The following DARS1 variants were observed in gnomAD, a reference collection of about 807,000 sequenced individuals.
The protein encoded by DARS1 is aspartate--tRNA ligase, cytoplasmic.
Under a neutral mutation model 68.8 loss-of-function variants are expected in DARS1, and 51 were observed. The observed-to-expected ratio is 0.74, with a 90% CI of 0.59 to 0.94. The LOEUF is 0.94. Among genes scored for constraint, DARS1 ranks in the 40% least tolerant of loss-of-function variants. The pLI is 0.00. For synonymous variants in DARS1, 203 were observed against 190.4 expected, an observed-to-expected ratio of 1.07 and a Z score of -0.55; for missense variants, 607 against 597.3, an observed-to-expected ratio of 1.02 and a Z score of -0.17.
At position 135,907,134 on chromosome 2, in the gene DARS1, A is replaced by G. The variant is rs1680798484; in HGVS notation, c.*182T>C. The G allele has an allele frequency of 2.3e-6, 1 of 441,336 alleles. No individual in the cohort carries two copies. Among genetic ancestry groups the G allele is most frequent in the Admixed American group, 4.0e-5 (1 of 24,776 alleles). The allele number at this position is 441,336 out of a possible 1,614,324, so 27.3% of individuals were successfully genotyped here. ...GAACCTATACTGAATTACTCCAAAA[A>G]TAACAGTGATATTTTAGGGCCTTGC... On this transcript the variant is annotated 3_prime_UTR_variant, in exon 16 of 16. Coordinates refer to ENST00000264161, the MANE Select transcript of DARS1 (RefSeq NM_001349.4).
At chr2:135,933,207 T>C (rs1294441946) in intron 6 of DARS1, among the ~76,000 whole-genome samples, 2 of 152,232 alleles carry the variant, frequency 1.3e-5, no homozygotes, top group East Asian at 1.9e-4. Flanking sequence ...CATAGAGTAG[T>C]GGTTCTGAAA....
At chr2:135,948,877 CAAAA>C (rs35323281) in intron 4 of DARS1, among the ~76,000 whole-genome samples, 1 of 132,186 alleles carries the variant, frequency 7.6e-6, no homozygotes, top group Admixed American at 7.3e-5. Flanking sequence ...CTCCCGTCTC[CAAAA>C]AAAAAAAAAA....
At chr2:135,909,316 G>A (rs1165284041) in intron 15 of DARS1, among the ~76,000 whole-genome samples, 6 of 151,980 alleles carry the variant, frequency 3.9e-5, no homozygotes, top group Non-Finnish European at 7.4e-5. Flanking sequence ...CATATGTAAC[G>A]ACCTTAACTG....
At chr2:135,961,072 G>A (rs912144309) in intron 4 of DARS1, among the ~76,000 whole-genome samples, 1 of 152,074 alleles carries the variant, frequency 6.6e-6, no homozygotes, top group Non-Finnish European at 1.5e-5. Context: ...AAGGAGGGAG[G>A]AAATGAAGCT....
chr2:135,984,639 G>C (rs952795146), intron 1 of DARS1, among the ~76,000 whole-genome samples: 1 of 152,186 alleles, frequency 6.6e-6, no homozygotes, highest in African/African-American at 2.4e-5. Context: ...TCCTCATTTA[G>C]TATTCTAAGA....
chr2:135,931,764 T>C (rs1681353345), intron 7 of DARS1, among the ~76,000 whole-genome samples: 2 of 152,156 alleles, frequency 1.3e-5, no homozygotes, highest in African/African-American at 4.8e-5. Context: ...CTAGCTCATG[T>C]TCCAGATTCT....
intron 9 of DARS1, among the ~76,000 whole-genome samples, chr2:135,921,750 C>T (rs555110619): frequency 7.2e-5 from 11 of 152,214 alleles, no homozygotes; most frequent in African/African-American, 2.6e-4. Flanking sequence ...AGACCTCTCC[C>T]CAGATTTACT....
chr2:135,966,097 C>T (rs908916125), intron 3 of DARS1, among the ~76,000 whole-genome samples: 3 of 151,850 alleles, frequency 2.0e-5, no homozygotes, highest in African/African-American at 7.3e-5. Flanking sequence ...GTACATGATC[C>T]TTTTTGTGCA....
chr2:135,912,849 G>A (rs79826902), intron 12 of DARS1, among the ~76,000 whole-genome samples: 24,375 of 150,924 alleles, frequency 0.16, 2,269 homozygotes, highest in Middle Eastern at 0.4. Context: ...GCTTAGGCTC[G>A]AGTGCATGAT....
At chr2:135,945,179 G>C (rs990692579) in intron 4 of DARS1, among the ~76,000 whole-genome samples, 24 of 151,900 alleles carry the variant, frequency 1.6e-4, no homozygotes, top group African/African-American at 5.6e-4. Context: ...CTAGGCTGGA[G>C]TGCAGTGGCT....
intron 3 of DARS1, among the ~76,000 whole-genome samples, chr2:135,965,113 T>C (rs1682194475): frequency 6.6e-6 from 1 of 152,060 alleles, no homozygotes; most frequent in Admixed American, 6.6e-5. Flanking sequence ...AAGGAGATCC[T>C]AATTCTAAAC....
intron 7 of DARS1, among the ~76,000 whole-genome samples, chr2:135,927,346 A>G (rs1297434738): frequency 6.6e-6 from 1 of 152,164 alleles, no homozygotes; most frequent in East Asian, 1.9e-4. Context: ...TTTCAATGCA[A>G]ATATATAACA....
intron 5 of DARS1, among the ~76,000 whole-genome samples, chr2:135,941,714 G>C (rs1681601646): frequency 6.6e-6 from 1 of 151,628 alleles, no homozygotes; most frequent in Non-Finnish European, 1.5e-5. Flanking sequence ...CCATCAGAGT[G>C]AACAGGCAAC....
chr2:135,932,762 TAATA>T lies in DARS1; in HGVS notation c.564+17_564+20del. 2 of 1,096,584 alleles carry T rather than the reference TAATA, an allele frequency of 1.8e-6. No individual in the cohort carries two copies. The highest frequency in any genetic ancestry group is 2.8e-6 in the Non-Finnish European group (2 of 719,708). The allele number at this position is 1,096,584 out of a possible 1,614,324, so 67.9% of individuals were successfully genotyped here. On this transcript the variant is annotated intron_variant, in intron 7 of 15. Coordinates refer to ENST00000264161, the MANE Select transcript of DARS1 (RefSeq NM_001349.4). Reference sequence around the variant, plus strand: ...TCTAATGCGGCATAATTGCTTCACTTAATAAATAAATGAGGCATACCCTAAGATC... The same window carrying T: ...TCTAATGCGGCATAATTGCTTCACTTAATAAATGAGGCATACCCTAAGATC...
chr2:135,959,162 C>T (rs1165626078), intron 4 of DARS1, among the ~76,000 whole-genome samples: 2 of 151,790 alleles, frequency 1.3e-5, no homozygotes, highest in Non-Finnish European at 2.9e-5. Flanking sequence ...ACAGCTGAGG[C>T]GGGCGGATCA....
chr2:135,955,001 C>A (rs1242746265), intron 4 of DARS1, among the ~76,000 whole-genome samples: 1 of 151,412 alleles, frequency 6.6e-6, no homozygotes, highest in Non-Finnish European at 1.5e-5. Context: ...AACAGAAATC[C>A]TATATATTGA....
In DARS1 at chr2:135,933,917, C is replaced by G. The variant is rs1351445796; in HGVS notation, c.497G>C (p.Gly166Ala). ...LDDAVRPEAEGEEEGRATVNQ... is the reference protein window; with the variant it reads ...LDDAVRPEAEAEEEGRATVNQ... ...CATAAGTATAATTTTTACCTCTTCT[C>G]CTTCTGCCTCAGGCCGAACAGCATC... Residue 166 changes from glycine to alanine, a missense_variant, in exon 6 of 16, where the codon GGA becomes GCA. By Grantham distance (60) the Gly-to-Ala change is moderately conservative. Coordinates refer to ENST00000264161, the MANE Select transcript of DARS1 (RefSeq NM_001349.4). 2 of 1,612,934 alleles carry G rather than the reference C, an allele frequency of 1.2e-6. No homozygotes were observed. The highest frequency in any genetic ancestry group is 1.7e-6 in the Non-Finnish European group (2 of 1,179,204).
At chr2:135,908,901 A>C (rs1367924697) in intron 15 of DARS1, among the ~76,000 whole-genome samples, 3 of 152,258 alleles carry the variant, frequency 2.0e-5, no homozygotes, top group Non-Finnish European at 4.4e-5. Flanking sequence ...CATCAATGAT[A>C]GACTGGATAA....
At chr2:135,941,167 G>A (rs986914725) in intron 5 of DARS1, among the ~76,000 whole-genome samples, 2 of 152,080 alleles carry the variant, frequency 1.3e-5, no homozygotes, top group Middle Eastern at 3.2e-3. Context: ...CTACTTTAAA[G>A]TTCATATGGA....
Sources: allele counts gnomAD v4.1 joint callset (sites outside exome capture counted in the v4.1 genomes callset), GRCh38; gene constraint gnomAD v4.1.1; transcripts MANE v1.5; gene names NCBI Gene and HGNC (gene_info 2026-07-23, HGNC 2026-07-21).